CDK20: variants seen among roughly 807,000 people sequenced by gnomAD.
The protein encoded by CDK20 is cyclin-dependent kinase 20.
In CDK20, 40 loss-of-function variants were observed where a neutral mutation model predicts 38.6. The ratio of observed to expected loss-of-function variants is 1.04; its 90% CI spans 0.81 to 1.35. The LOEUF is 1.35. CDK20 is among the 40% of genes most tolerant of loss of function. The pLI is 0.00. For missense variants in CDK20, 512 were observed against 452.6 expected, an observed-to-expected ratio of 1.13 and a Z score of -1.19; for synonymous variants, 209 against 185.7, an observed-to-expected ratio of 1.13 and a Z score of -1.02.
chr9:87,974,098 G>C (rs199857362), intron 1 of CDK20, 63 bp from the exon 2 acceptor site: 964 of 1,610,202 alleles, frequency 6.0e-4, no homozygotes, highest in Non-Finnish European at 5.6e-4. Context: ...ATGAAGGTGG[G>C]TGAGGGGAAG....
Position 87,967,443 on chromosome 9 carries a change from C to G in CDK20, c.*19G>C. The G allele has an allele frequency of 6.4e-7, 1 of 1,551,996 alleles. No homozygotes were observed. The highest frequency in any genetic ancestry group is 8.7e-7 in the Non-Finnish European group (1 of 1,147,134). On this transcript the variant is annotated 3_prime_UTR_variant, in exon 8 of 8. Coordinates refer to ENST00000325303, the MANE Select transcript of CDK20 (RefSeq NM_001039803.3). Reference sequence around the variant, plus strand: ...TGAGTGGTCCTGAGGAGCAGGCAGACGGGACCAGGGCCAACTTCTCACCCC... The same window carrying G: ...TGAGTGGTCCTGAGGAGCAGGCAGAGGGGACCAGGGCCAACTTCTCACCCC...
At chr9:87,971,460 G>A in intron 2 of CDK20, 125 bp from the exon 3 acceptor site, 2 of 808,212 alleles carry the variant, frequency 2.5e-6, no homozygotes, top group Non-Finnish European at 3.9e-6. Flanking sequence ...CAAAGAAGGT[G>A]ACGTGGACCT....
At chr9:87,970,211 C>G in intron 5 of CDK20, 1 of 442,140 alleles carries the variant, frequency 2.3e-6, no homozygotes, top group Non-Finnish European at 4.0e-6. Flanking sequence ...TATCTTCTTG[C>G]TGCAAAACAA....
chr9:87,974,101 A>G lies in CDK20; in HGVS notation c.76-66T>C, dbSNP rs666459. The G allele has an allele frequency of 0.63, 1,005,597 of 1,606,892 alleles. 320,438 individuals are homozygous for G. Among genetic ancestry groups the G allele is most frequent in the African/African-American group, 0.78 (58,665 of 74,950 alleles). ...TGGGAAAGAGAGATGAAGGTGGGTG[A>G]GGGGAAGGTGGTTGAGAGAGAGACA... On this transcript the variant is annotated intron_variant, in intron 1 of 7. Coordinates refer to ENST00000325303, the MANE Select transcript of CDK20 (RefSeq NM_001039803.3).
intron 7 of CDK20, 197 bp from the exon 8 acceptor site, chr9:87,967,856 C>T: frequency 1.9e-6 from 1 of 538,916 alleles, no homozygotes; most frequent in Admixed American, 3.4e-5. Context: ...CTCTGTTTTT[C>T]TGACATAAGT....
At chr9:87,969,491 T>G in intron 6 of CDK20, 142 bp from the exon 7 acceptor site, 2 of 915,878 alleles carry the variant, frequency 2.2e-6, no homozygotes, top group Admixed American at 5.0e-5. Context: ...CCATCATTCA[T>G]TCACTCACCC....
At position 87,967,330 on chromosome 9, in the gene CDK20, T is replaced by C; in HGVS notation, c.*132A>G. ...CCTCGAGACCAACCCTCGCAAGGGC[T>C]AAGGGGCAGGGTGTGGTGTGGGCCC... On this transcript the variant is annotated 3_prime_UTR_variant, in exon 8 of 8. Coordinates refer to ENST00000325303, the MANE Select transcript of CDK20 (RefSeq NM_001039803.3). The C allele has an allele frequency of 1.1e-6, 1 of 895,438 alleles. No homozygotes were observed. The allele number at this position is 895,438 out of a possible 1,614,324, so 55.5% of individuals were successfully genotyped here.
chr9:87,969,132 C>T (rs1278994042), intron 7 of CDK20, 62 bp downstream of exon 7: 1 of 1,572,846 alleles, frequency 6.4e-7, no homozygotes, highest in Admixed American at 1.7e-5. Flanking sequence ...CTACCAAGTA[C>T]AGAGTACCAG....
At chr9:87,967,716 C>T (rs1341344553) in intron 7 of CDK20, 57 bp from the exon 8 acceptor site, 1 of 1,404,414 alleles carries the variant, frequency 7.1e-7, no homozygotes, top group South Asian at 1.5e-5. Context: ...CTGTCCCCAG[C>T]CTCAAGCAGA....
rs1313920372 is a variant in CDK20, at chr9:87,974,475, G to C, written c.-29C>G. On this transcript the variant is annotated 5_prime_UTR_variant, in exon 1 of 8. Coordinates refer to ENST00000325303, the MANE Select transcript of CDK20 (RefSeq NM_001039803.3). ...GCTGCAGTCGTGGGCCTGTGCCCCT[G>C]TGCCCCTGAACTTCCAAACTCCACT... The C allele has an allele frequency of 1.3e-6, 2 of 1,597,984 alleles. No homozygotes were observed. The highest frequency in any genetic ancestry group is 2.7e-5 in the African/African-American group (2 of 74,764).
In CDK20 at chr9:87,969,868, C is replaced by CCT. The variant is rs1829729987; in HGVS notation, c.614_615insAG (p.Lys207AlafsTer101). ...AAAGCTGTTCAATATCGTTCTTGCC[C>CCT]GGGAAAAGGGGGGACCCATTCAACA... On this transcript the variant is annotated frameshift_variant, in exon 6 of 8. Transcript: ENST00000325303. LOFTEE classifies it high-confidence loss of function. 1 of 1,607,274 alleles carries CCT rather than the reference C, an allele frequency of 6.2e-7. No homozygotes were observed. Among genetic ancestry groups the CCT allele is most frequent in the Admixed American group, 1.7e-5 (1 of 59,258 alleles).
intron 2 of CDK20, among the ~76,000 whole-genome samples, chr9:87,971,893 C>G (rs566259331): frequency 1.9e-3 from 293 of 152,320 alleles, no homozygotes; most frequent in Non-Finnish European, 3.3e-3. Context: ...TATTCAGATT[C>G]TGTAAGTACA....
At chr9:87,973,122 G>A (rs1480952768) in intron 2 of CDK20, among the ~76,000 whole-genome samples, 1 of 152,100 alleles carries the variant, frequency 6.6e-6, no homozygotes, top group African/African-American at 2.4e-5. Context: ...AATATATCAT[G>A]CATATCTCCA....
chr9:87,970,905 T>C lies in CDK20; in HGVS notation c.379-8A>G. 1 of 1,613,714 alleles carries C rather than the reference T, an allele frequency of 6.2e-7. No homozygotes were observed. Among genetic ancestry groups the C allele is most frequent in the Non-Finnish European group, 8.5e-7 (1 of 1,179,912 alleles). ...GTTGGCAGGTTTCAGGTCCTGGGAG[T>C]ACCAAAAGAAGCATCAGTCCCTCCA... On this transcript the variant is annotated splice_polypyrimidine_tract_variant and splice_region_variant and intron_variant, in intron 3 of 7. Transcript: ENST00000325303.
chr9:87,970,486 A>G, intron 5 of CDK20, 82 bp downstream of exon 5: 1 of 1,312,198 alleles, frequency 7.6e-7, no homozygotes, highest in South Asian at 1.4e-5. Context: ...CAGGGAAAAG[A>G]CCACCAAACA....
At chr9:87,971,356 T>C in intron 2 of CDK20, 21 bp from the exon 3 acceptor site, 1 of 1,596,212 alleles carries the variant, frequency 6.3e-7, no homozygotes, top group East Asian at 2.3e-5. Flanking sequence ...GACATCTTGT[T>C]AGCCCCCAGA....
Position 87,967,325 on chromosome 9 carries a change from A to G in CDK20, c.*137T>C, listed in dbSNP as rs1829501231. 1 of 862,654 alleles carries G rather than the reference A, an allele frequency of 1.2e-6. No individual in the cohort carries two copies. Among genetic ancestry groups the G allele is most frequent in the African/African-American group, 1.7e-5 (1 of 60,022 alleles). The allele number at this position is 862,654 out of a possible 1,614,324, so 53.4% of individuals were successfully genotyped here. On this transcript the variant is annotated 3_prime_UTR_variant, in exon 8 of 8. Transcript: ENST00000325303. ...CTCTGCCTCGAGACCAACCCTCGCA[A>G]GGGCTAAGGGGCAGGGTGTGGTGTG... is the stretch of plus-strand genomic sequence containing the variant.
At chr9:87,968,951 G>A in intron 7 of CDK20, 1 of 526,716 alleles carries the variant, frequency 1.9e-6, no homozygotes, top group Non-Finnish European at 3.4e-6. Context: ...TGAGAGTTGG[G>A]CATGCCCCTC....
chr9:87,970,560 G>A lies in CDK20; in HGVS notation c.563+8C>T, dbSNP rs1209750242. On this transcript the variant is annotated splice_region_variant and intron_variant, in intron 5 of 7. Coordinates refer to ENST00000325303, the MANE Select transcript of CDK20 (RefSeq NM_001039803.3). ...ATGTTACCCTTTGACCACCCACAGGGGTCTCACCACAGATCGACGCCCTGG... is the reference window on the plus strand; with the variant it reads ...ATGTTACCCTTTGACCACCCACAGGAGTCTCACCACAGATCGACGCCCTGG... The A allele has an allele frequency of 1.9e-6, 3 of 1,612,730 alleles. No individual in the cohort carries two copies. The highest frequency in any genetic ancestry group is 2.5e-6 in the Non-Finnish European group (3 of 1,179,188).
Sources: gnomAD v4.1 joint callset for allele counts (sites outside exome capture counted in the v4.1 genomes callset) on GRCh38, gnomAD v4.1.1 for gene constraint, MANE v1.5 for transcripts, NCBI Gene and HGNC (gene_info 2026-07-23, HGNC 2026-07-21) for gene names.